The following APPL2 variants were observed in gnomAD, a reference collection of about 807,000 sequenced individuals.
APPL2 encodes the protein adaptor protein, phosphotyrosine interacting with PH domain and leucine zipper 2, also known as DCC-interacting protein 13-beta.
Under a neutral mutation model 92.7 loss-of-function variants are expected in APPL2, and 84 were observed. The ratio of observed to expected loss-of-function variants is 0.91; its 90% CI spans 0.76 to 1.09. The LOEUF (loss-of-function observed/expected upper bound fraction) is 1.09. Ranked by LOEUF, APPL2 falls within the 50% of genes least tolerant of loss-of-function variation. APPL2 has a pLI of 0.00. For missense variants in APPL2, 736 were observed against 824.5 expected, an observed-to-expected ratio of 0.89 and a Z score of 1.31; for synonymous variants, 291 against 291.0, an observed-to-expected ratio of 1.00 and a Z score of 0.00.
intron 9 of APPL2, among the ~76,000 whole-genome samples, chr12:105,199,929 C>T (rs1888008733): frequency 6.6e-6 from 1 of 152,070 alleles, no homozygotes; most frequent in Non-Finnish European, 1.5e-5. Context: ...TGCCATTCTC[C>T]TGCCTCAGCC....
intron 2 of APPL2, among the ~76,000 whole-genome samples, chr12:105,227,385 A>C (rs1890592619): frequency 6.6e-6 from 1 of 152,144 alleles, no homozygotes; most frequent in African/African-American, 2.4e-5. Context: ...TTTCAACAAG[A>C]TCTCTTTATC....
At chr12:105,189,486 ACTG>A (rs1887010618) in intron 16 of APPL2, among the ~76,000 whole-genome samples, 1 of 152,192 alleles carries the variant, frequency 6.6e-6, no homozygotes, top group African/African-American at 2.4e-5. Flanking sequence ...GTTCACCAAG[ACTG>A]CATTTGAATG....
intron 7 of APPL2, 100 bp downstream of exon 7, chr12:105,207,871 A>T: frequency 9.0e-7 from 1 of 1,112,986 alleles, no homozygotes; most frequent in Non-Finnish European, 1.3e-6. Context: ...GTTAAAAAAA[A>T]AAATAACCAC....
rs765175191 is a variant in APPL2, at chr12:105,203,764, C to T, written c.643G>A (p.Ala215Thr). 1 of 1,613,850 alleles carries T rather than the reference C, an allele frequency of 6.2e-7. No homozygotes were observed. Among genetic ancestry groups the T allele is most frequent in the South Asian group, 1.1e-5 (1 of 91,074 alleles). ...HGQINFFKKG[A>T]EMFSKRMDSF... ...TCCATACGTTTGGAAAACATCTCTG[C>T]TCCCTTCTTAAAAAAGTTAATCTGA... The change falls in exon 9 of 21, where the codon GCA becomes ACA. Residue 215 changes from alanine (A) to threonine (T), a missense_variant. Transcript: ENST00000258530.
chr12:105,199,900 G>A (rs2135977150), intron 9 of APPL2, among the ~76,000 whole-genome samples: 1 of 151,800 alleles, frequency 6.6e-6, no homozygotes, highest in East Asian at 1.9e-4. Context: ...CTCACTGCAA[G>A]CTCCGCCCCT....
intron 2 of APPL2, among the ~76,000 whole-genome samples, chr12:105,227,529 C>T (rs1890612424): frequency 6.6e-6 from 1 of 152,230 alleles, no homozygotes; most frequent in Non-Finnish European, 1.5e-5. Flanking sequence ...CCTGTGTTCT[C>T]CCATGTATCC....
rs74236905 is a variant in APPL2, at chr12:105,196,167, A to G, written c.1053-540T>C. Among the ~76,000 whole-genome samples the G allele has an allele frequency of 2.9e-3, 441 of 152,162 alleles. 17 individuals are homozygous for G. In the East Asian group the frequency reaches 0.072, roughly 25 times the overall value. ...CATGGCCGTTTCCCTGGGCCTCAGC[A>G]TGTTCATCTATGAAATGAGAAGGCG... On this transcript the variant is annotated intron_variant, in intron 11 of 20. Transcript: ENST00000258530.
At chr12:105,192,977 C>T (rs1478917550) in intron 14 of APPL2, among the ~76,000 whole-genome samples, 1 of 152,174 alleles carries the variant, frequency 6.6e-6, no homozygotes, top group South Asian at 2.1e-4. Flanking sequence ...CCCCCACTGT[C>T]ATCAAAACAT....
In APPL2 at chr12:105,229,192, T is replaced by C; in HGVS notation, c.86A>G (p.Asp29Gly). ...GGTATAGTCTGTGAGGGTGCCAGCATCTTCTTCAAACACGCTCAGTAAAGA... is the reference window on the plus strand; with the variant it reads ...GGTATAGTCTGTGAGGGTGCCAGCACCTTCTTCAAACACGCTCAGTAAAGA... ...TRSLLSVFEE[D>G]AGTLTDYTNQ... Residue 29 changes from aspartate to glycine, a missense_variant, in exon 2 of 21, where the codon GAT becomes GGT. Physicochemically the swap from Asp to Gly is moderately conservative, Grantham distance 94. Transcript: ENST00000258530. 6.2e-7 allele frequency: 1 copy of C among 1,613,802 alleles called. No individual in the cohort carries two copies.
At chr12:105,225,495 T>C (rs1181692254) in intron 2 of APPL2, among the ~76,000 whole-genome samples, 2 of 152,242 alleles carry the variant, frequency 1.3e-5, no homozygotes. Flanking sequence ...TTAAATGTGT[T>C]GAATGCAAAA....
At chr12:105,200,148 A>G (rs1002838980) in intron 9 of APPL2, among the ~76,000 whole-genome samples, 1 of 152,144 alleles carries the variant, frequency 6.6e-6, no homozygotes, top group African/African-American at 2.4e-5. Context: ...CCAGCTAAAC[A>G]GTTTTGCTGC....
At chr12:105,233,413 G>A (rs148911598) in intron 1 of APPL2, 139 of 985,346 alleles carry the variant, frequency 1.4e-4, no homozygotes, top group Non-Finnish European at 1.6e-4. Context: ...ACAATGCATC[G>A]TGCAGCACTG....
intron 2 of APPL2, among the ~76,000 whole-genome samples, chr12:105,222,588 T>C (rs1194516573): frequency 6.6e-6 from 1 of 152,162 alleles, no homozygotes; most frequent in African/African-American, 2.4e-5. Flanking sequence ...GCCGTTGAGA[T>C]GTCCTTGCTT....
At chr12:105,210,831 TCCC>T (rs1889152332) in intron 5 of APPL2, among the ~76,000 whole-genome samples, 2 of 152,070 alleles carry the variant, frequency 1.3e-5, no homozygotes, top group Admixed American at 6.6e-5. Context: ...CATTCACGGT[TCCC>T]CCAAGAACAG....
intron 8 of APPL2, among the ~76,000 whole-genome samples, chr12:105,205,128 G>A (rs146144347): frequency 2.4e-4 from 36 of 152,288 alleles, no homozygotes; most frequent in African/African-American, 8.7e-4. Context: ...CAGAGGCTGG[G>A]GCTCAATAAA....
At chr12:105,185,000 T>A (rs1031633611) in intron 17 of APPL2, among the ~76,000 whole-genome samples, 23 of 152,170 alleles carry the variant, frequency 1.5e-4, no homozygotes, top group African/African-American at 4.6e-4. Flanking sequence ...AGCAGTTTTA[T>A]GGCGCTGCGG....
intron 2 of APPL2, among the ~76,000 whole-genome samples, chr12:105,222,073 G>A (rs1409009273): frequency 1.3e-5 from 2 of 152,188 alleles, no homozygotes; most frequent in East Asian, 1.9e-4. Context: ...CAAAGCTGGC[G>A]GTCACGGGTC....
At chr12:105,228,885 T>G (rs771872016) in intron 2 of APPL2, among the ~76,000 whole-genome samples, 1 of 152,018 alleles carries the variant, frequency 6.6e-6, no homozygotes, top group Non-Finnish European at 1.5e-5. Context: ...AAAAAAAAAT[T>G]AGGAGCAGTT....
At chr12:105,221,907 T>C (rs185608665) in intron 2 of APPL2, among the ~76,000 whole-genome samples, 1 of 152,318 alleles carries the variant, frequency 6.6e-6, no homozygotes, top group East Asian at 1.9e-4. Flanking sequence ...AATGCAACTG[T>C]CACCTGAAAC....
Sources: allele counts gnomAD v4.1 joint callset (sites outside exome capture counted in the v4.1 genomes callset), GRCh38; gene constraint gnomAD v4.1.1; transcripts MANE v1.5; gene names NCBI Gene and HGNC (gene_info 2026-07-23, HGNC 2026-07-21).